Variants in PTPRN2 observed in about 807,000 individuals in gnomAD.
PTPRN2 encodes the protein receptor-type tyrosine-protein phosphatase N2.
PTPRN2 carries 74 observed loss-of-function variants against 118.8 expected under a neutral mutation model. The ratio of observed to expected loss-of-function variants is 0.62; its 90% CI spans 0.52 to 0.76. The LOEUF (loss-of-function observed/expected upper bound fraction) is 0.76, where lower values mean the gene tolerates loss of function less well. PTPRN2 is among the 30% of genes least tolerant of loss of function. The probability of loss-of-function intolerance (pLI) is 0.00; values close to 1 mark genes in which losing one functional copy is unlikely to be tolerated. For missense variants in PTPRN2, 1,481 were observed against 1,394.4 expected (o/e 1.06, Z -0.99); for synonymous variants, 641 against 608.0 (o/e 1.05, Z -0.80).
chr7:157,887,668 C>T (rs1428934634), intron 12 of PTPRN2, among the ~76,000 whole-genome samples: 1 of 34,304 alleles, frequency 2.9e-5, no homozygotes, highest in East Asian at 7.4e-4. Context: ...CCCCAGTACC[C>T]ACTTCCCCCA....
intron 12 of PTPRN2, among the ~76,000 whole-genome samples, chr7:157,793,339 C>A (rs546504958): frequency 6.6e-6 from 1 of 152,160 alleles, no homozygotes; most frequent in African/African-American, 2.4e-5. Flanking sequence ...ACCCTCGCGG[C>A]GGTGATAACC....
At chr7:157,921,263 G>A (rs573782356) in intron 11 of PTPRN2, among the ~76,000 whole-genome samples, 8 of 152,288 alleles carry the variant, frequency 5.3e-5, no homozygotes, top group South Asian at 2.1e-4. Context: ...ACGCTAAGAC[G>A]TTCTGGAAAA....
chr7:158,346,898 T>C (rs1323414595), intron 2 of PTPRN2, among the ~76,000 whole-genome samples: 3 of 152,240 alleles, frequency 2.0e-5, no homozygotes, highest in African/African-American at 7.2e-5. Context: ...TTTTTATGTC[T>C]TCTTTTGAGA....
At chr7:157,910,255 G>A (rs1052616899) in intron 11 of PTPRN2, among the ~76,000 whole-genome samples, 4 of 151,716 alleles carry the variant, frequency 2.6e-5, no homozygotes, top group Non-Finnish European at 3.0e-5. Context: ...CACGTACACC[G>A]TGGGAACGGG....
chr7:158,402,656 C>A (rs983281585), intron 2 of PTPRN2, among the ~76,000 whole-genome samples: 1 of 152,212 alleles, frequency 6.6e-6, no homozygotes, highest in Non-Finnish European at 1.5e-5. Flanking sequence ...CTTGGGCAAG[C>A]CCTGCGATGT....
chr7:158,200,334 T>C (rs1042234903), intron 4 of PTPRN2, among the ~76,000 whole-genome samples: 1 of 152,142 alleles, frequency 6.6e-6, no homozygotes, highest in African/African-American at 2.4e-5. Context: ...GCAGGCACCA[T>C]TTAAACAACA....
chr7:157,733,848 G>A (rs1256415762), intron 12 of PTPRN2, among the ~76,000 whole-genome samples: 2 of 31,444 alleles, frequency 6.4e-5, no homozygotes, highest in Admixed American at 3.4e-4. Flanking sequence ...TTACTCTTCC[G>A]TCCCATGCGC....
chr7:157,920,504 GCTT>G (rs1227725668), intron 11 of PTPRN2, among the ~76,000 whole-genome samples: 6 of 152,208 alleles, frequency 3.9e-5, no homozygotes, highest in Non-Finnish European at 8.8e-5. Flanking sequence ...CGTCCTGCCT[GCTT>G]CTTCTTTTGA....
intron 14 of PTPRN2, among the ~76,000 whole-genome samples, chr7:157,623,263 G>A (rs1421146109): frequency 6.6e-6 from 1 of 152,162 alleles, no homozygotes; most frequent in African/African-American, 2.4e-5. Context: ...GGTGTGTGAG[G>A]GAAGCTGGGA....
rs193156616 is a variant in PTPRN2, at chr7:158,203,008, C to T, written c.380+2163G>A. ...TAGCACTCTGGGAGGCCAAGGTGGG[C>T]GGATCATGAGGTCAGGAGTTCAAGA... On this transcript the variant is annotated intron_variant, in intron 4 of 22. Transcript: ENST00000389418. Among the ~76,000 whole-genome samples, 536 of 151,876 alleles carry T rather than the reference C, an allele frequency of 3.5e-3. 2 individuals are homozygous for T. The highest frequency in any genetic ancestry group is 7.9e-3 in the African/African-American group (327 of 41,428).
chr7:157,811,572 T>A (rs1253378706), intron 12 of PTPRN2, among the ~76,000 whole-genome samples: 1 of 152,036 alleles, frequency 6.6e-6, no homozygotes, highest in African/African-American at 2.4e-5. Flanking sequence ...TTTAATGTCC[T>A]CAGCACCAGG....
intron 11 of PTPRN2, among the ~76,000 whole-genome samples, chr7:158,061,349 T>C (rs10275348): frequency 0.4 from 61,491 of 152,062 alleles, 12,871 homozygotes; most frequent in African/African-American, 0.52. Flanking sequence ...AGTCCCCACG[T>C]GCTTGACAGT....
intron 3 of PTPRN2, among the ~76,000 whole-genome samples, chr7:158,263,299 C>T (rs1019232167): frequency 4.1e-4 from 63 of 152,346 alleles, no homozygotes; most frequent in African/African-American, 1.4e-3. Context: ...CACATGTGCA[C>T]ACCGTGTGTG....
At chr7:158,501,632 G>C (rs1302519219) in intron 1 of PTPRN2, among the ~76,000 whole-genome samples, 1 of 152,180 alleles carries the variant, frequency 6.6e-6, no homozygotes, top group Non-Finnish European at 1.5e-5. Context: ...CAGAGGGAGG[G>C]GCAGTGCCAG....
chr7:158,401,916 C>T (rs1038202076), intron 2 of PTPRN2, among the ~76,000 whole-genome samples: 1 of 152,140 alleles, frequency 6.6e-6, no homozygotes, highest in African/African-American at 2.4e-5. Context: ...CCAGACCTCC[C>T]AGGCCTCTCT....
chr7:157,975,388 C>T (rs946248465), intron 11 of PTPRN2, among the ~76,000 whole-genome samples: 1 of 152,180 alleles, frequency 6.6e-6, no homozygotes, highest in African/African-American at 2.4e-5. Flanking sequence ...TCTCCAGACA[C>T]CCCAATCTCC....
chr7:158,341,000 G>A (rs1489062252), intron 2 of PTPRN2, among the ~76,000 whole-genome samples: 1 of 62,540 alleles, frequency 1.6e-5, no homozygotes, highest in Non-Finnish European at 3.4e-5. Context: ...CACCATAAGA[G>A]GTGAAACCTG....
intron 1 of PTPRN2, among the ~76,000 whole-genome samples, chr7:158,567,067 G>A (rs1243288759): frequency 6.6e-6 from 1 of 152,230 alleles, no homozygotes; most frequent in Non-Finnish European, 1.5e-5. Flanking sequence ...AAAGGAGAAA[G>A]GATTTTTCAT....
chr7:158,337,376 C>G (rs1342521169), intron 2 of PTPRN2, among the ~76,000 whole-genome samples: 3 of 90,790 alleles, frequency 3.3e-5, no homozygotes, highest in Admixed American at 1.2e-4. Flanking sequence ...CACCCACACT[C>G]TCACCATAAG....
Sources: gnomAD v4.1 joint callset for allele counts (sites outside exome capture counted in the v4.1 genomes callset) on GRCh38, gnomAD v4.1.1 for gene constraint, MANE v1.5 for transcripts, NCBI Gene and HGNC (gene_info 2026-07-23, HGNC 2026-07-21) for gene names.